Variants in MEGF11 observed in about 807,000 individuals in gnomAD.
MEGF11 encodes multiple EGF like domains 11, also known as multiple epidermal growth factor-like domains protein 11.
MEGF11 carries 126 observed loss-of-function variants against 146.6 expected under a neutral mutation model. The ratio of observed to expected loss-of-function variants is 0.86; its 90% confidence interval spans 0.74 to 1.00. MEGF11 has a LOEUF of 1.00. Ranked by LOEUF, MEGF11 falls within the 50% of genes least tolerant of loss-of-function variation. MEGF11 has a pLI of 0.00. For synonymous variants in MEGF11, 532 were observed against 583.4 expected (o/e 0.91, Z 1.27); for missense variants, 1,509 against 1,521.2 (o/e 0.99, Z 0.13).
chr15:66,167,112 T>C (rs2169629), intron 1 of MEGF11, among the ~76,000 whole-genome samples: 61,531 of 151,960 alleles, frequency 0.4, 14,316 homozygotes, highest in South Asian at 0.58. Context: ...ATGGCTCCAG[T>C]GGGCAGAGCC....
chr15:65,949,032 G>A (rs141253387), intron 10 of MEGF11, among the ~76,000 whole-genome samples: 12 of 151,976 alleles, frequency 7.9e-5, no homozygotes, highest in Middle Eastern at 3.4e-3. Flanking sequence ...CTGTTCTTAG[G>A]GCTAACAGCC....
At chr15:66,191,808 G>T (rs1356690795) in intron 1 of MEGF11, among the ~76,000 whole-genome samples, 1 of 152,204 alleles carries the variant, frequency 6.6e-6, no homozygotes, top group Non-Finnish European at 1.5e-5. Context: ...GGGCCCGGTG[G>T]CTCACGCCTG....
intron 5 of MEGF11, among the ~76,000 whole-genome samples, chr15:66,016,297 C>T (rs958985601): frequency 4.6e-5 from 7 of 152,108 alleles, no homozygotes; most frequent in African/African-American, 1.7e-4. Flanking sequence ...TAACCCTCCT[C>T]TTGAGTACTT....
intron 1 of MEGF11, among the ~76,000 whole-genome samples, chr15:66,139,397 G>A (rs904714837): frequency 6.6e-6 from 1 of 152,164 alleles, no homozygotes; most frequent in African/African-American, 2.4e-5. Context: ...GTGTTTTCCA[G>A]GAAATTGTTC....
intron 18 of MEGF11, among the ~76,000 whole-genome samples, 151 bp from the exon 19 acceptor site, chr15:65,915,749 A>C (rs2078976156): frequency 6.6e-6 from 1 of 152,072 alleles, no homozygotes; most frequent in Non-Finnish European, 1.5e-5. Context: ...TATAGCACTG[A>C]GTGGGGGACA....
At chr15:66,169,912 C>CCCATGAGT (rs1167545737) in intron 1 of MEGF11, among the ~76,000 whole-genome samples, 1 of 152,172 alleles carries the variant, frequency 6.6e-6, no homozygotes, top group Non-Finnish European at 1.5e-5. Flanking sequence ...ACCCTGCCAT[C>CCCATGAGT]CCAGGAACTG....
At chr15:66,197,881 G>C (rs942605781) in intron 1 of MEGF11, among the ~76,000 whole-genome samples, 4 of 152,054 alleles carry the variant, frequency 2.6e-5, no homozygotes, top group Non-Finnish European at 4.4e-5. Context: ...CCTTAACAAG[G>C]CCTCCAGGTT....
chr15:66,186,959 G>A (rs1482945049), intron 1 of MEGF11, among the ~76,000 whole-genome samples: 1 of 152,198 alleles, frequency 6.6e-6, no homozygotes, highest in African/African-American at 2.4e-5. Flanking sequence ...TAGCTCTGCT[G>A]CCTACCAGCT....
chr15:65,908,121 G>GCCT (rs987550821), intron 23 of MEGF11, among the ~76,000 whole-genome samples: 2 of 152,194 alleles, frequency 1.3e-5, no homozygotes, highest in African/African-American at 4.8e-5. Context: ...TAATAACACA[G>GCCT]CCTCCTGAGT....
chr15:66,043,592 A>C (rs2084078909), intron 5 of MEGF11, among the ~76,000 whole-genome samples: 1 of 152,250 alleles, frequency 6.6e-6, no homozygotes, highest in Non-Finnish European at 1.5e-5. Context: ...CCACAACAGA[A>C]AGGTTTTCAC....
chr15:65,898,798 A>G lies in MEGF11; in HGVS notation c.3192T>C (p.Pro1064=), dbSNP rs200123391. Reference sequence around the variant, plus strand: ...CTGTGTACGGAGACCCCATGTGCACAGGCGACTTCATTTCTACATAGCTGC... The same window carrying G: ...CTGTGTACGGAGACCCCATGTGCACGGGCGACTTCATTTCTACATAGCTGC... ...PESSYVEMKS[P]VHMGSPYTDV... The change falls in exon 25 of 26, where the codon CCT becomes CCC. Residue 1064 remains proline, a synonymous_variant. Coordinates refer to ENST00000395614, the MANE Select transcript of MEGF11 (RefSeq NM_001385028.1). The G allele has an allele frequency of 1.5e-5, 24 of 1,613,918 alleles. No individual in the cohort carries two copies. Among genetic ancestry groups the G allele is most frequent in the Admixed American group, 5.0e-5 (3 of 60,002 alleles).
chr15:66,122,078 T>C (rs1597104393), intron 3 of MEGF11, among the ~76,000 whole-genome samples: 4 of 151,976 alleles, frequency 2.6e-5, no homozygotes, highest in Middle Eastern at 3.4e-3. Flanking sequence ...GCCTGGCCAA[T>C]ATGGCGAAAC....
chr15:66,088,026 T>C (rs756973551), intron 5 of MEGF11, among the ~76,000 whole-genome samples: 8 of 152,082 alleles, frequency 5.3e-5, no homozygotes, highest in Non-Finnish European at 1.2e-4. Flanking sequence ...CAAAAGAACA[T>C]TGAAGGCTAC....
At chr15:65,927,029 G>C (rs1473174259) in intron 13 of MEGF11, among the ~76,000 whole-genome samples, 1 of 152,206 alleles carries the variant, frequency 6.6e-6, no homozygotes, top group Non-Finnish European at 1.5e-5. Flanking sequence ...CAGCAACCTG[G>C]TGTTAATTAT....
chr15:65,956,122 A>G (rs1444908715), intron 10 of MEGF11, among the ~76,000 whole-genome samples: 2 of 152,108 alleles, frequency 1.3e-5, no homozygotes, highest in African/African-American at 4.8e-5. Context: ...TAGACCAAAT[A>G]CATCAGAATC....
At chr15:66,168,832 A>C (rs2090168210) in intron 1 of MEGF11, among the ~76,000 whole-genome samples, 1 of 152,158 alleles carries the variant, frequency 6.6e-6, no homozygotes, top group Non-Finnish European at 1.5e-5. Context: ...TACTAAAAAT[A>C]CAAAATTTAG....
chr15:66,228,994 G>A (rs1452764465), intron 1 of MEGF11, among the ~76,000 whole-genome samples: 1 of 152,040 alleles, frequency 6.6e-6, no homozygotes, highest in East Asian at 1.9e-4. Flanking sequence ...CTCCCCACTG[G>A]TGCTAGCGTC....
rs529729684 is a variant in MEGF11, at chr15:65,997,550, T to A, written c.395-15062A>T. ...TCTCTCCCCCATCCTCTGGCTTTAT[T>A]TTTTTCTTTAAAGCGCTTATTCTAT... On this transcript the variant is annotated intron_variant, in intron 5 of 25. Coordinates refer to ENST00000395614, the MANE Select transcript of MEGF11 (RefSeq NM_001385028.1). Among the ~76,000 whole-genome samples, 3 of 151,764 alleles carry A rather than the reference T, an allele frequency of 2.0e-5. No homozygotes were observed. In the East Asian group the frequency reaches 5.8e-4, roughly 29 times the overall value.
chr15:65,960,319 G>A (rs1738272258), intron 9 of MEGF11, among the ~76,000 whole-genome samples: 1 of 152,150 alleles, frequency 6.6e-6, no homozygotes, highest in South Asian at 2.1e-4. Flanking sequence ...AATATCTAAC[G>A]AAGAAGAATG....
Sources: allele counts gnomAD v4.1 joint callset (sites outside exome capture counted in the v4.1 genomes callset), GRCh38; gene constraint gnomAD v4.1.1; transcripts MANE v1.5; gene names NCBI Gene and HGNC (gene_info 2026-07-23, HGNC 2026-07-21).